Variants in GLI2 observed in about 807,000 individuals in gnomAD.
GLI2 encodes the protein GLI family zinc finger 2, also known as transcription activator GLI2.
In GLI2, 22 loss-of-function variants were observed where a neutral mutation model predicts 78.9. The ratio of observed to expected loss-of-function variants is 0.28; its 90% CI spans 0.20 to 0.40. The LOEUF is 0.40. Ranked by LOEUF, GLI2 falls within the 10% of genes least tolerant of loss-of-function variation. The pLI is 1.00. For missense variants in GLI2, 2,097 were observed against 2,213.2 expected, an observed-to-expected ratio of 0.95 and a Z score of 1.05; for synonymous variants, 974 against 963.7, an observed-to-expected ratio of 1.01 and a Z score of -0.20.
intron 2 of GLI2, among the ~76,000 whole-genome samples, chr2:120,872,700 A>T (rs933022639): frequency 4.6e-5 from 7 of 152,224 alleles, no homozygotes; most frequent in African/African-American, 1.7e-4. Context: ...TGCGGACAAG[A>T]TGCTCAACTT....
At chr2:120,815,880 G>A (rs1292836629) in intron 2 of GLI2, among the ~76,000 whole-genome samples, 3 of 152,182 alleles carry the variant, frequency 2.0e-5, no homozygotes, top group Admixed American at 6.5e-5. Flanking sequence ...TAGGTGTGAC[G>A]TGGGGGAGAA....
At chr2:120,919,801 T>C (rs1413005352) in intron 2 of GLI2, among the ~76,000 whole-genome samples, 1 of 151,514 alleles carries the variant, frequency 6.6e-6, no homozygotes, top group Non-Finnish European at 1.5e-5. Flanking sequence ...TTTCTGGTCA[T>C]GGATGCAGCT....
intron 1 of GLI2, among the ~76,000 whole-genome samples, chr2:120,771,084 T>A (rs1487324774): frequency 6.6e-6 from 1 of 152,212 alleles, no homozygotes; most frequent in Non-Finnish European, 1.5e-5. Flanking sequence ...AGAGTGAACC[T>A]GAAAGGCAGC....
chr2:120,905,650 A>G (rs1369625085), intron 2 of GLI2, among the ~76,000 whole-genome samples: 2 of 152,208 alleles, frequency 1.3e-5, no homozygotes, highest in Non-Finnish European at 1.5e-5. Flanking sequence ...CCCACTGTCC[A>G]GTGGCTCCTC....
intron 2 of GLI2, among the ~76,000 whole-genome samples, chr2:120,799,307 C>T (rs1158351470): frequency 2.6e-5 from 4 of 152,318 alleles, no homozygotes; most frequent in East Asian, 3.9e-4. Flanking sequence ...GTTGTCTGAT[C>T]GCAGGGTGGC....
chr2:120,974,698 G>A (rs1446970040), intron 8 of GLI2, among the ~76,000 whole-genome samples: 1 of 152,258 alleles, frequency 6.6e-6, no homozygotes, highest in East Asian at 1.9e-4. Context: ...AGAGGAAGGA[G>A]GAAGGGCCCC....
chr2:120,986,911 C>T (rs903758142), intron 13 of GLI2, among the ~76,000 whole-genome samples: 6 of 152,236 alleles, frequency 3.9e-5, no homozygotes, highest in African/African-American at 1.2e-4. Flanking sequence ...TTCATTCCTT[C>T]ACTGATGAGG....
chr2:120,884,829 C>A (rs368646404), intron 2 of GLI2, among the ~76,000 whole-genome samples: 1 of 152,252 alleles, frequency 6.6e-6, no homozygotes, highest in Admixed American at 6.5e-5. Context: ...GGGAGAGTGG[C>A]GCGTGGGGGC....
chr2:120,745,996 C>T (rs1346694030), intron 1 of GLI2, among the ~76,000 whole-genome samples: 1 of 152,212 alleles, frequency 6.6e-6, no homozygotes, highest in Non-Finnish European at 1.5e-5. Flanking sequence ...TGTGCAAGAC[C>T]TGGGTGCCAC....
In GLI2 at chr2:120,989,059, C is replaced by T. The variant is rs994573592; in HGVS notation, c.3094C>T (p.Pro1032Ser). The T allele has an allele frequency of 1.2e-6, 2 of 1,609,442 alleles. No homozygotes were observed. The highest frequency in any genetic ancestry group is 2.7e-5 in the African/African-American group (2 of 74,928). ...AVAAGVDGAGPEADLGLPEDD... is the reference protein window; with the variant it reads ...AVAAGVDGAGSEADLGLPEDD... ...GGCGGCAGGAGTGGACGGCGCGGGG[C>T]CCGAGGCCGACCTGGGGCTGCCGGA... The change falls in exon 14 of 14, where the codon CCC becomes TCC. Residue 1032 changes from proline (P) to serine (S), a missense_variant. Physicochemically the swap from Pro to Ser is moderately conservative, Grantham distance 74. This residue lies in a region of GLI2 where 1,290 missense variants were observed against 1,261.7 expected (regional missense o/e 1.02). Coordinates refer to ENST00000361492, the MANE Select transcript of GLI2 (RefSeq NM_001374353.1).
intron 5 of GLI2, among the ~76,000 whole-genome samples, chr2:120,960,101 C>A (rs947352070): frequency 3.3e-5 from 5 of 152,216 alleles, no homozygotes; most frequent in Non-Finnish European, 5.9e-5. Flanking sequence ...TATTGGGCAC[C>A]TTCTATTTAC....
chr2:120,982,950 C>T (rs1168135266), intron 11 of GLI2, 70 bp downstream of exon 11: 2 of 1,500,420 alleles, frequency 1.3e-6, no homozygotes, highest in Admixed American at 3.4e-5. Context: ...TTCCAGGCAT[C>T]TGTAGTCCAG....
At chr2:120,805,394 G>A (rs1444949550) in intron 2 of GLI2, among the ~76,000 whole-genome samples, 1 of 152,254 alleles carries the variant, frequency 6.6e-6, no homozygotes, top group Non-Finnish European at 1.5e-5. Context: ...TCAGAGGACA[G>A]TGCCGGTGGC....
chr2:120,858,391 T>A (rs1417000053), intron 2 of GLI2, among the ~76,000 whole-genome samples: 1 of 152,240 alleles, frequency 6.6e-6, no homozygotes, highest in Non-Finnish European at 1.5e-5. Flanking sequence ...ATTTGAAGAC[T>A]GATCAAGGCT....
At chr2:120,790,623 C>T (rs1009114566) in intron 1 of GLI2, among the ~76,000 whole-genome samples, 3 of 152,146 alleles carry the variant, frequency 2.0e-5, no homozygotes, top group East Asian at 1.9e-4. Context: ...GCTGCCCACC[C>T]GTCCACACTC....
At chr2:120,878,567 T>C (rs1688877325) in intron 2 of GLI2, among the ~76,000 whole-genome samples, 1 of 152,180 alleles carries the variant, frequency 6.6e-6, no homozygotes, top group African/African-American at 2.4e-5. Context: ...ACATACACAG[T>C]ATAAAAGTTA....
chr2:120,951,380 G>A lies in GLI2; in HGVS notation c.392G>A (p.Arg131His), dbSNP rs149180414. The change falls in exon 4 of 14, where the codon CGT becomes CAT. Residue 131 changes from arginine (R) to histidine (H), a missense_variant. Arg to His is a conservative substitution (Grantham distance 29, BLOSUM62 0). Transcript: ENST00000361492. ...AACCCCCACATGGAGCACTACCTCC[G>A]TTCTGTGCACAGCAGCCCCACGCTC... The part of the protein sequence containing the change: ...YVNPHMEHYL[R>H]SVHSSPTLSM... The A allele has an allele frequency of 3.6e-4, 577 of 1,611,610 alleles. No homozygotes were observed. Among genetic ancestry groups the A allele is most frequent in the Non-Finnish European group, 4.1e-4 (479 of 1,177,942 alleles).
intron 2 of GLI2, among the ~76,000 whole-genome samples, chr2:120,883,499 TAAAC>T (rs935479217): frequency 8.5e-5 from 13 of 152,056 alleles, no homozygotes; most frequent in African/African-American, 1.4e-4. Context: ...AACAAACAAA[TAAAC>T]AAACAAACCC....
rs372840603 is a variant in GLI2 at position 120,965,971 on chromosome 2, G to A, written c.644-2743G>A. On this transcript the variant is annotated intron_variant, in intron 5 of 13. Coordinates refer to ENST00000361492, the MANE Select transcript of GLI2 (RefSeq NM_001374353.1). Reference sequence around the variant, plus strand: ...ATGGACCGTCTTCTGTGTACCCACTGTAGCTCTGCTTACTAAAATATCTGT... The same window carrying A: ...ATGGACCGTCTTCTGTGTACCCACTATAGCTCTGCTTACTAAAATATCTGT... Among the ~76,000 whole-genome samples the A allele has an allele frequency of 1.7e-4, 26 of 152,346 alleles. No individual in the cohort carries two copies. In the South Asian group the frequency reaches 4.8e-3, roughly 28 times the overall value.
Sources: allele counts gnomAD v4.1 joint callset (sites outside exome capture counted in the v4.1 genomes callset), GRCh38; gene constraint gnomAD v4.1.1; regional missense constraint gnomAD v4.1.1; transcripts MANE v1.5; gene names NCBI Gene and HGNC (gene_info 2026-07-23, HGNC 2026-07-21).